BRSK2: variants seen among roughly 807,000 people sequenced by gnomAD.
BRSK2 encodes the protein BR serine/threonine kinase 2, also known as serine/threonine-protein kinase BRSK2.
In BRSK2, 19 loss-of-function variants were observed where a neutral mutation model predicts 83.3. That is an observed-to-expected ratio of 0.23 (90% confidence interval 0.16 to 0.33). BRSK2 has a LOEUF of 0.33. Ranked by LOEUF, BRSK2 falls within the 10% of genes least tolerant of loss-of-function variation. The pLI, the probability that BRSK2 is intolerant of heterozygous loss-of-function variation, is 1.00. For synonymous variants in BRSK2, 519 were observed against 435.4 expected (o/e 1.19, Z -2.39); for missense variants, 798 against 1,042.3 (o/e 0.77, Z 3.23).
chr11:1,445,360 C>G lies in BRSK2; in HGVS notation c.879C>G (p.Pro293=). Reference sequence around the variant, plus strand: ...GCAAGGTGCAGATCCGCTCGCTGCCCAGCCTGGAGGACATCGACCCCGACG... The same window carrying G: ...GCAAGGTGCAGATCCGCTCGCTGCCGAGCCTGGAGGACATCGACCCCGACG... The part of the protein sequence containing the change: ...IPRKVQIRSL[P]SLEDIDPDVL... The change falls in exon 10 of 20, where the codon CCC becomes CCG. Residue 293 remains proline, a synonymous_variant. Transcript: ENST00000528841. The G allele has an allele frequency of 2.5e-6, 4 of 1,611,900 alleles. No individual in the cohort carries two copies. Among genetic ancestry groups the G allele is most frequent in the Non-Finnish European group, 2.5e-6 (3 of 1,179,614 alleles).
chr11:1,409,857 C>T (rs1847221858), intron 1 of BRSK2: 1 of 152,118 alleles, frequency 6.6e-6, no homozygotes. Context: ...GCCCTGCGTG[C>T]AGGTGGGGCG....
chr11:1,396,744 C>G (rs754721043), intron 1 of BRSK2, among the ~76,000 whole-genome samples: 1 of 152,224 alleles, frequency 6.6e-6, no homozygotes, highest in Non-Finnish European at 1.5e-5. Context: ...GCTGGGCAGC[C>G]GGCACCAGGA....
At chr11:1,456,924 C>T in intron 18 of BRSK2, 2 of 1,593,220 alleles carry the variant, frequency 1.3e-6, no homozygotes, top group South Asian at 2.2e-5. Context: ...GCAGCCGCAC[C>T]ACACTGAAAG....
chr11:1,440,641 G>C, intron 3 of BRSK2, 147 bp from the exon 4 acceptor site: 1 of 1,020,044 alleles, frequency 9.8e-7, no homozygotes, highest in Admixed American at 2.7e-5. Flanking sequence ...CATAGTCAGG[G>C]CTCCTCTCAG....
chr11:1,427,920 C>T (rs1416037476), intron 1 of BRSK2, among the ~76,000 whole-genome samples: 5 of 152,184 alleles, frequency 3.3e-5, no homozygotes, highest in African/African-American at 9.7e-5. Flanking sequence ...ACATTCTGCT[C>T]AGAGAAACTC....
intron 18 of BRSK2, among the ~76,000 whole-genome samples, chr11:1,458,563 C>G (rs938505353): frequency 1.3e-5 from 2 of 152,220 alleles, no homozygotes; most frequent in African/African-American, 4.8e-5. Context: ...CCCACCCCCC[C>G]AGAGACTGCG....
intron 9 of BRSK2, 70 bp from the exon 10 acceptor site, chr11:1,445,224 G>A: frequency 1.3e-6 from 2 of 1,536,996 alleles, no homozygotes; most frequent in South Asian, 2.5e-5. Context: ...GTGAGGGCGG[G>A]CGTCCCACCC....
intron 8 of BRSK2, 55 bp downstream of exon 8, chr11:1,443,690 GGGCGTGTGCCTGTGTGTGCACA>G: frequency 6.7e-7 from 1 of 1,482,794 alleles, no homozygotes; most frequent in Admixed American, 2.3e-5. Context: ...GCGCGGGGGC[GGGCGTGTGCCTGTGTGTGCACA>G]GGTGTGTGCC....
intron 1 of BRSK2, among the ~76,000 whole-genome samples, chr11:1,404,846 G>A (rs1465885703): frequency 1.3e-5 from 2 of 152,140 alleles, no homozygotes; most frequent in African/African-American, 4.8e-5. Context: ...CAGGCTCGCC[G>A]GGCTGGGGGC....
intron 18 of BRSK2, chr11:1,456,933 A>T: frequency 6.3e-7 from 1 of 1,595,704 alleles, no homozygotes; most frequent in African/African-American, 1.3e-5. Flanking sequence ...CCACACTGAA[A>T]GGCGCCTCTT....
chr11:1,411,730 GC>G, intron 1 of BRSK2: 8 of 1,487,686 alleles, frequency 5.4e-6, no homozygotes, highest in Non-Finnish European at 7.2e-6. Flanking sequence ...GGGGGACCTC[GC>G]CAGCACTGGT....
chr11:1,402,693 G>A (rs1332355192), intron 1 of BRSK2, among the ~76,000 whole-genome samples: 1 of 152,202 alleles, frequency 6.6e-6, no homozygotes, highest in Non-Finnish European at 1.5e-5. Context: ...CAGGACTCAG[G>A]AGGCCAGGAC....
chr11:1,407,643 G>C (rs1405844964), intron 1 of BRSK2, among the ~76,000 whole-genome samples: 1 of 152,176 alleles, frequency 6.6e-6, no homozygotes, highest in African/African-American at 2.4e-5. Context: ...CCTAAACTAG[G>C]ACACTAGCTT....
At chr11:1,407,449 G>A (rs180948027) in intron 1 of BRSK2, among the ~76,000 whole-genome samples, 18 of 152,200 alleles carry the variant, frequency 1.2e-4, no homozygotes, top group Non-Finnish European at 2.2e-4. Flanking sequence ...CTTCCTGCAC[G>A]GGCCTCCCCT....
chr11:1,443,228 G>A, intron 6 of BRSK2, 89 bp downstream of exon 6: 2 of 1,519,732 alleles, frequency 1.3e-6, no homozygotes, highest in Non-Finnish European at 8.8e-7. Flanking sequence ...GCACCCCCAG[G>A]TGCTGCTAGG....
At chr11:1,409,110 G>A (rs1847145062) in intron 1 of BRSK2, among the ~76,000 whole-genome samples, 1 of 152,096 alleles carries the variant, frequency 6.6e-6, no homozygotes, top group Non-Finnish European at 1.5e-5. Context: ...ATCTGTGTGT[G>A]CCGTCTGACC....
At position 1,393,734 on chromosome 11, in the gene BRSK2, G is replaced by A. The variant is rs188044185; in HGVS notation, c.91+3359G>A. On this transcript the variant is annotated intron_variant, in intron 1 of 19. Transcript: ENST00000528841. The stretch of plus-strand genomic sequence containing the variant: ...GGAGAGCCTGTGCCTGGGAGACCCT[G>A]GGGGTGACCCCAGGCCCAGAAGCTG... Among the ~76,000 whole-genome samples, 144 of 152,318 alleles carry A rather than the reference G, an allele frequency of 9.5e-4. 1 individual carries two copies. Among genetic ancestry groups the A allele is most frequent in the Middle Eastern group, 3.4e-3 (1 of 294 alleles).
chr11:1,440,950 C>T (rs369566799), intron 4 of BRSK2, 22 bp downstream of exon 4: 11 of 1,597,624 alleles, frequency 6.9e-6, no homozygotes, highest in Non-Finnish European at 8.5e-6. Context: ...CCCCTGGTGC[C>T]CCCCACTCCC....
chr11:1,404,815 C>T (rs1368765359), intron 1 of BRSK2, among the ~76,000 whole-genome samples: 1 of 152,194 alleles, frequency 6.6e-6, no homozygotes, highest in Admixed American at 6.5e-5. Flanking sequence ...ATTACTGCTG[C>T]GACGGCTCCT....
Sources: gnomAD v4.1 joint callset for allele counts (sites outside exome capture counted in the v4.1 genomes callset) on GRCh38, gnomAD v4.1.1 for gene constraint, MANE v1.5 for transcripts, NCBI Gene and HGNC (gene_info 2026-07-23, HGNC 2026-07-21) for gene names.